BABAM2: variants seen among roughly 807,000 people sequenced by gnomAD.
BABAM2 encodes BRISC and BRCA1-A complex member 2.
A neutral mutation model predicts 54.7 loss-of-function variants in BABAM2; 31 were observed. The observed-to-expected ratio is 0.57, with a 90% confidence interval of 0.43 to 0.77. The LOEUF (loss-of-function observed/expected upper bound fraction) is 0.77. BABAM2 is among the 30% of genes least tolerant of loss of function. The pLI is 0.00. For missense variants in BABAM2, 364 were observed against 455.8 expected, an observed-to-expected ratio of 0.80 and a Z score of 1.83; for synonymous variants, 167 against 162.9, an observed-to-expected ratio of 1.03 and a Z score of -0.19.
intron 7 of BABAM2, among the ~76,000 whole-genome samples, chr2:28,174,348 A>G (rs1036777617): frequency 5.3e-5 from 8 of 152,232 alleles, no homozygotes; most frequent in African/African-American, 1.9e-4. Flanking sequence ...ATATAAAAGA[A>G]ATATGGTGAA....
intron 6 of BABAM2, among the ~76,000 whole-genome samples, chr2:28,073,844 C>T (rs1392842599): frequency 6.6e-6 from 1 of 151,986 alleles, no homozygotes; most frequent in African/African-American, 2.4e-5. Context: ...GGGAGGTACT[C>T]TTACAAAGAG....
chr2:28,239,782 G>A (rs1682243502), intron 8 of BABAM2, among the ~76,000 whole-genome samples: 1 of 152,240 alleles, frequency 6.6e-6, no homozygotes, highest in East Asian at 1.9e-4. Context: ...ATTCAGACAA[G>A]GATCTCCAGT....
intron 6 of BABAM2, among the ~76,000 whole-genome samples, chr2:28,109,894 C>T (rs1389322632): frequency 6.6e-6 from 1 of 152,060 alleles, no homozygotes; most frequent in Non-Finnish European, 1.5e-5. Context: ...AACATAAAAA[C>T]CATCTTAACC....
intron 5 of BABAM2, among the ~76,000 whole-genome samples, chr2:28,040,294 CTTTTTTTTTTT>C (rs397735161): frequency 1.2e-4 from 7 of 59,470 alleles, no homozygotes; most frequent in Middle Eastern, 0.012. Flanking sequence ...AAACTGAATT[CTTTTTTTTTTT>C]TTTTTTTTTT....
chr2:27,898,574 T>G (rs1665524457), intron 2 of BABAM2, among the ~76,000 whole-genome samples: 2 of 152,182 alleles, frequency 1.3e-5, no homozygotes, highest in South Asian at 4.1e-4. Flanking sequence ...GATAAACAAA[T>G]TTGGCATATC....
chr2:28,292,606 G>A (rs574945589), intron 10 of BABAM2, among the ~76,000 whole-genome samples: 102 of 152,290 alleles, frequency 6.7e-4, no homozygotes, highest in African/African-American at 2.3e-3. Flanking sequence ...AATGATGACA[G>A]GCTGACTTTC....
intron 4 of BABAM2, among the ~76,000 whole-genome samples, chr2:27,992,153 A>T (rs1373106023): frequency 1.3e-5 from 2 of 152,094 alleles, no homozygotes; most frequent in Non-Finnish European, 2.9e-5. Flanking sequence ...GCATCTTTTC[A>T]TGTGCCTATT....
chr2:28,167,693 C>CAAAAAAAA lies in BABAM2; in HGVS notation c.680+38320_680+38321insAAAAAAAA, dbSNP rs373375104. Among the ~76,000 whole-genome samples, 136 of 103,858 alleles carry CAAAAAAAA rather than the reference C, an allele frequency of 1.3e-3. 1 individual carries two copies. Among genetic ancestry groups the CAAAAAAAA allele is most frequent in the Middle Eastern group, 4.2e-3 (1 of 238 alleles). 68.1% of individuals were successfully genotyped at this position (103,858 alleles called of 152,430 possible). A position where few individuals can be genotyped will look rare whatever the true frequency, so the allele number is the denominator to read the frequency against. On this transcript the variant is annotated intron_variant, in intron 7 of 11. Transcript: ENST00000379624. ...TGGGCGACAGAGCGAGACTCCATCT[C>CAAAAAAAA]AAAAAAATAAATAAATAAATAAATA...
chr2:28,112,151 C>CTTTCTTTCTTTTTCTT lies in BABAM2; in HGVS notation c.571-17119_571-17118insTTCTTTCTTTTTCTTT, dbSNP rs1261759583. 4.6e-4 allele frequency among the ~76,000 whole-genome samples: 9 copies of CTTTCTTTCTTTTTCTT among 19,620 alleles called. 4 individuals carry two copies. The highest frequency in any genetic ancestry group is 1.6e-3 in the African/African-American group (7 of 4,420). The allele number at this position is 19,620 out of a possible 152,430, so 12.9% of individuals were successfully genotyped here. A position where few individuals can be genotyped will look rare whatever the true frequency, so the allele number is the denominator to read the frequency against. On this transcript the variant is annotated intron_variant, in intron 6 of 11. Coordinates refer to ENST00000379624, the MANE Select transcript of BABAM2 (RefSeq NM_199191.3). ...TTTCTTTCTTTCTTTCTTTCTTTAC[C>CTTTCTTTCTTTTTCTT]TCCCTCCCTCCCTCCCTCCCTCCCT...
intron 6 of BABAM2, among the ~76,000 whole-genome samples, chr2:28,094,953 T>A (rs1666479657): frequency 6.6e-6 from 1 of 151,692 alleles, no homozygotes. Context: ...TTATGTGTTG[T>A]ATCATAGCTT....
At chr2:27,942,766 C>A (rs1404269620) in intron 3 of BABAM2, among the ~76,000 whole-genome samples, 1 of 151,218 alleles carries the variant, frequency 6.6e-6, no homozygotes, top group Non-Finnish European at 1.5e-5. Context: ...CTGATAATAA[C>A]TGTTTTACTT....
intron 2 of BABAM2, among the ~76,000 whole-genome samples, chr2:27,895,807 G>A (rs920522852): frequency 6.6e-6 from 1 of 151,910 alleles, no homozygotes; most frequent in Non-Finnish European, 1.5e-5. Context: ...TTATTAATTT[G>A]AATTCTACTG....
At chr2:28,245,591 G>T (rs1368696114) in intron 10 of BABAM2, among the ~76,000 whole-genome samples, 1 of 152,202 alleles carries the variant, frequency 6.6e-6, no homozygotes, top group Non-Finnish European at 1.5e-5. Flanking sequence ...GACCCATGGA[G>T]TCAGGTTCAA....
chr2:28,089,797 G>A (rs1255669654), intron 6 of BABAM2, among the ~76,000 whole-genome samples: 8 of 152,046 alleles, frequency 5.3e-5, no homozygotes, highest in Admixed American at 5.2e-4. Context: ...AGTTAAATAT[G>A]CTGTTAAAAA....
chr2:28,277,009 C>T (rs540459193), intron 10 of BABAM2, among the ~76,000 whole-genome samples: 2 of 152,270 alleles, frequency 1.3e-5, no homozygotes, highest in Admixed American at 6.5e-5. Context: ...GCCTAGTGAC[C>T]CTCCCCGTGC....
In BABAM2 at chr2:28,274,939, C is replaced by T. The variant is rs143834617; in HGVS notation, c.935-23399C>T. Among the ~76,000 whole-genome samples the T allele has an allele frequency of 1.4e-4, 22 of 152,358 alleles. No homozygotes were observed. The South Asian group carries it at 1.9e-3, about 13-fold the overall frequency. On this transcript the variant is annotated intron_variant, in intron 10 of 11. Transcript: ENST00000379624. The stretch of plus-strand genomic sequence containing the variant: ...ACCTCGCAGAAGAGACCAGACCCAG[C>T]ATGCTCCAGTAGCTCCACTGCAGGG...
chr2:28,031,069 A>G (rs928891917), intron 5 of BABAM2, among the ~76,000 whole-genome samples: 2 of 152,326 alleles, frequency 1.3e-5, no homozygotes, highest in Middle Eastern at 3.4e-3. Context: ...GCAGTAGTCA[A>G]TTGGAAAAAT....
At chr2:28,314,068 C>T (rs537750525) in intron 11 of BABAM2, among the ~76,000 whole-genome samples, 7 of 152,242 alleles carry the variant, frequency 4.6e-5, no homozygotes, top group Admixed American at 1.3e-4. Context: ...ATTACAGGAA[C>T]GTGCATATAA....
chr2:28,187,027 A>G (rs1176570642), intron 7 of BABAM2, among the ~76,000 whole-genome samples: 1 of 152,118 alleles, frequency 6.6e-6, no homozygotes. Context: ...GGATGGTCTC[A>G]ATCTCCTGAC....
Sources: gnomAD v4.1 joint callset for allele counts (sites outside exome capture counted in the v4.1 genomes callset) on GRCh38, gnomAD v4.1.1 for gene constraint, MANE v1.5 for transcripts, NCBI Gene and HGNC (gene_info 2026-07-23, HGNC 2026-07-21) for gene names.